ANKS1B: variants seen among roughly 807,000 people sequenced by gnomAD.
ANKS1B encodes the protein ankyrin repeat and sterile alpha motif domain-containing protein 1B.
ANKS1B carries 36 observed loss-of-function variants against 148.3 expected under a neutral mutation model. The ratio of observed to expected loss-of-function variants is 0.24; its 90% CI spans 0.19 to 0.32. The LOEUF is 0.32. Among genes scored for constraint, ANKS1B ranks in the 10% least tolerant of loss-of-function variants. ANKS1B has a pLI of 1.00. For synonymous variants in ANKS1B, 542 were observed against 560.8 expected, an observed-to-expected ratio of 0.97 and a Z score of 0.47; for missense variants, 1,157 against 1,542.6, an observed-to-expected ratio of 0.75 and a Z score of 4.19.
intron 15 of ANKS1B, among the ~76,000 whole-genome samples, chr12:99,131,615 A>G (rs7298574): frequency 0.64 from 96,404 of 151,538 alleles, 31,026 homozygotes; most frequent in East Asian, 0.75. Context: ...GATACAGGCC[A>G]TTTCTCCCTG....
intron 25 of ANKS1B, among the ~76,000 whole-genome samples, chr12:98,761,378 G>A (rs2098402216): frequency 6.6e-6 from 1 of 152,176 alleles, no homozygotes; most frequent in South Asian, 2.1e-4. Flanking sequence ...ACTATTTTCG[G>A]AAGGGAAGGG....
At chr12:99,765,969 C>A (rs946408722) in intron 8 of ANKS1B, among the ~76,000 whole-genome samples, 2 of 152,136 alleles carry the variant, frequency 1.3e-5, no homozygotes, top group African/African-American at 4.8e-5. Flanking sequence ...ATCTGTAGGA[C>A]TCACAATCTC....
chr12:99,119,315 T>G (rs1237479236), intron 15 of ANKS1B, among the ~76,000 whole-genome samples: 5 of 152,126 alleles, frequency 3.3e-5, no homozygotes, highest in Non-Finnish European at 2.9e-5. Flanking sequence ...AAGGAACATA[T>G]TACCCTCTAG....
chr12:99,430,192 A>T (rs1336190596), intron 11 of ANKS1B, among the ~76,000 whole-genome samples: 3 of 152,160 alleles, frequency 2.0e-5, no homozygotes, highest in Admixed American at 1.3e-4. Context: ...ATAGAAGATA[A>T]ATTAGAAGTA....
chr12:98,781,170 T>C lies in ANKS1B; in HGVS notation c.3388A>G (p.Ile1130Val). 4.4e-6 allele frequency: 7 copies of C among 1,586,934 alleles called. No individual in the cohort carries two copies. The highest frequency in any genetic ancestry group is 6.0e-6 in the Non-Finnish European group (7 of 1,164,686). Residue 1130 changes from isoleucine to valine, a missense_variant, in exon 24 of 27, where the codon ATT (isoleucine) becomes GTT (valine). By Grantham distance (29) the Ile-to-Val change is conservative. This residue lies in a region of ANKS1B where 258 missense variants were observed against 497.0 expected (regional missense o/e 0.52). Coordinates refer to ENST00000683438, the MANE Select transcript of ANKS1B (RefSeq NM_001352186.2). ...STEQMKKVPT[I>V]ILSVSYKGVK... The stretch of plus-strand genomic sequence containing the variant: ...CCTTTATATGAGACAGAAAGAATAA[T>C]AGTAGGGACCTTCTTCATTTGCTCT...
At chr12:99,205,542 G>A (rs2082562653) in intron 14 of ANKS1B, among the ~76,000 whole-genome samples, 1 of 152,206 alleles carries the variant, frequency 6.6e-6, no homozygotes, top group African/African-American at 2.4e-5. Context: ...CAGGAGAGAT[G>A]TTACTGAGCC....
chr12:99,808,466 A>G (rs1602589998), intron 3 of ANKS1B, among the ~76,000 whole-genome samples: 1 of 152,110 alleles, frequency 6.6e-6, no homozygotes, highest in Non-Finnish European at 1.5e-5. Context: ...AAGACAATCA[A>G]TGAAAAGTTA....
intron 12 of ANKS1B, among the ~76,000 whole-genome samples, chr12:99,302,677 G>T (rs1398124075): frequency 6.6e-6 from 1 of 152,044 alleles, no homozygotes; most frequent in Non-Finnish European, 1.5e-5. Flanking sequence ...GACTTTCTCA[G>T]TATCATCTAT....
In ANKS1B at chr12:99,594,519, C is replaced by T. The variant is rs190300972; in HGVS notation, c.1272+60548G>A. On this transcript the variant is annotated intron_variant, in intron 9 of 26. Coordinates refer to ENST00000683438, the MANE Select transcript of ANKS1B (RefSeq NM_001352186.2). ...GGTGATACACAGACACACACTCATA[C>T]GGTGGAATATTATTCAGCCTTTAAA... Among the ~76,000 whole-genome samples, 548 of 152,062 alleles carry T rather than the reference C, an allele frequency of 3.6e-3. 29 individuals are homozygous for T. The South Asian group carries it at 0.089, about 25-fold the overall frequency.
chr12:98,952,867 A>AT (rs1305053458), intron 17 of ANKS1B, among the ~76,000 whole-genome samples: 1 of 151,928 alleles, frequency 6.6e-6, no homozygotes. Flanking sequence ...AACTTCCTTT[A>AT]TTTTTTTAAG....
At chr12:98,737,862 CACAG>C (rs2097781027) in intron 9 of ANKS1B, among the ~76,000 whole-genome samples, 2 of 152,184 alleles carry the variant, frequency 1.3e-5, no homozygotes, top group South Asian at 4.1e-4. Context: ...TCTATTATTC[CACAG>C]ACATTTTATA....
At chr12:99,017,775 A>G (rs1007928724) in intron 17 of ANKS1B, among the ~76,000 whole-genome samples, 5 of 152,160 alleles carry the variant, frequency 3.3e-5, no homozygotes, top group Admixed American at 2.0e-4. Context: ...CTCCACTGCA[A>G]TACTGTGGTC....
At chr12:98,774,799 C>T (rs2098651311) in intron 24 of ANKS1B, among the ~76,000 whole-genome samples, 1 of 152,128 alleles carries the variant, frequency 6.6e-6, no homozygotes, top group South Asian at 2.1e-4. Flanking sequence ...AGAATTAACT[C>T]ACAAAAGAAA....
chr12:99,869,036 A>G lies in ANKS1B; in HGVS notation c.135-43647T>C, dbSNP rs571660751. ...TGCGCCACTGCAATCCAGCCTAGGT[A>G]ACAAAATGAGAGTCTGTCTCAAAAA... On this transcript the variant is annotated intron_variant, in intron 1 of 26. Transcript: ENST00000683438. Among the ~76,000 whole-genome samples the G allele has an allele frequency of 6.4e-4, 98 of 152,160 alleles. 3 individuals are homozygous for G. The highest frequency in any genetic ancestry group is 4.9e-4 in the Non-Finnish European group (33 of 68,030).
intron 14 of ANKS1B, among the ~76,000 whole-genome samples, chr12:99,232,418 C>A (rs913494295): frequency 2.6e-5 from 4 of 152,162 alleles, no homozygotes; most frequent in African/African-American, 9.7e-5. Flanking sequence ...ATTATTAAAA[C>A]TGGTTTAGAA....
intron 1 of ANKS1B, among the ~76,000 whole-genome samples, chr12:99,857,489 A>G (rs2089349038): frequency 6.6e-6 from 1 of 152,108 alleles, no homozygotes; most frequent in Non-Finnish European, 1.5e-5. Context: ...ATTCAGTACA[A>G]TTCCCATCAA....
Position 98,808,022 on chromosome 12 carries a change from A to T in ANKS1B, c.3067-104T>A, listed in dbSNP as rs2099064210. 5 of 882,100 alleles carry T rather than the reference A, an allele frequency of 5.7e-6. No individual in the cohort carries two copies. In the East Asian group the frequency reaches 1.4e-4, roughly 24 times the overall value. The allele number at this position is 882,100 out of a possible 1,614,324, so 54.6% of individuals were successfully genotyped here. A position where few individuals can be genotyped will look rare whatever the true frequency, so the allele number is the denominator to read the frequency against. On this transcript the variant is annotated intron_variant, in intron 19 of 26. Transcript: ENST00000683438. Reference sequence around the variant, plus strand: ...AGAGGAAAATAATAAAATGCAAAGAATCACATTTAAAAAAAACTCAAAAAA... The same window carrying T: ...AGAGGAAAATAATAAAATGCAAAGATTCACATTTAAAAAAAACTCAAAAAA...
chr12:99,521,185 C>G (rs932116365), intron 9 of ANKS1B, among the ~76,000 whole-genome samples: 2 of 152,166 alleles, frequency 1.3e-5, no homozygotes, highest in Non-Finnish European at 2.9e-5. Context: ...ATGCATTCTT[C>G]AGTGTGTTGA....
intron 15 of ANKS1B, among the ~76,000 whole-genome samples, chr12:99,150,880 G>GAT (rs1175039979): frequency 2.6e-5 from 4 of 151,818 alleles, no homozygotes; most frequent in African/African-American, 9.7e-5. Context: ...GACTTCTGAG[G>GAT]GGATAAACAG....
Sources: gnomAD v4.1 joint callset for allele counts (sites outside exome capture counted in the v4.1 genomes callset) on GRCh38, gnomAD v4.1.1 for gene constraint, gnomAD v4.1.1 regional missense constraint, MANE v1.5 for transcripts, NCBI Gene and HGNC (gene_info 2026-07-23, HGNC 2026-07-21) for gene names.